PRKCA: variants seen among roughly 807,000 people sequenced by gnomAD.
The protein encoded by PRKCA is protein kinase C alpha type.
A neutral mutation model predicts 87.0 loss-of-function variants in PRKCA; 27 were observed. That is an observed-to-expected ratio of 0.31 (90% CI 0.23 to 0.43). PRKCA has a LOEUF of 0.43. PRKCA is among the 20% of genes least tolerant of loss of function. The pLI, the probability that PRKCA is intolerant of heterozygous loss-of-function variation, is 1.00. For synonymous variants in PRKCA, 329 were observed against 311.1 expected, an observed-to-expected ratio of 1.06 and a Z score of -0.61; for missense variants, 518 against 852.3, an observed-to-expected ratio of 0.61 and a Z score of 4.88.
intron 2 of PRKCA, among the ~76,000 whole-genome samples, chr17:66,399,838 A>C (rs1910915782): frequency 6.6e-6 from 1 of 152,170 alleles, no homozygotes; most frequent in Non-Finnish European, 1.5e-5. Context: ...GGATATGTAC[A>C]TTGAATATCC....
At chr17:66,517,268 G>C (rs1374195075) in intron 3 of PRKCA, among the ~76,000 whole-genome samples, 1 of 152,176 alleles carries the variant, frequency 6.6e-6, no homozygotes. Flanking sequence ...TGGCGACAGA[G>C]TGAGAGTCCA....
At chr17:66,463,623 C>T (rs1292650194) in intron 2 of PRKCA, among the ~76,000 whole-genome samples, 2 of 152,152 alleles carry the variant, frequency 1.3e-5, no homozygotes, top group African/African-American at 4.8e-5. Flanking sequence ...TCTCGATCTC[C>T]TGACCTCATG....
intron 5 of PRKCA, among the ~76,000 whole-genome samples, chr17:66,667,527 G>C (rs1972073234): frequency 6.6e-6 from 1 of 152,120 alleles, no homozygotes; most frequent in Admixed American, 6.5e-5. Context: ...CACAAGAACA[G>C]CATGGAGGTA....
chr17:66,706,637 CA>C (rs200189418), intron 8 of PRKCA, among the ~76,000 whole-genome samples: 422 of 104,174 alleles, frequency 4.1e-3, no homozygotes, highest in Non-Finnish European at 6.3e-3. Flanking sequence ...GGCTCTGTCT[CA>C]AAAAAAAAAA....
At chr17:66,373,794 C>T (rs992433616) in intron 2 of PRKCA, among the ~76,000 whole-genome samples, 11 of 152,150 alleles carry the variant, frequency 7.2e-5, no homozygotes, top group African/African-American at 1.9e-4. Flanking sequence ...ATCCTAAAAT[C>T]GGGTAGATTA....
intron 2 of PRKCA, among the ~76,000 whole-genome samples, chr17:66,463,378 CTG>C (rs1914940459): frequency 7.0e-6 from 1 of 143,860 alleles, no homozygotes; most frequent in African/African-American, 2.7e-5. Context: ...AGCCTTGATT[CTG>C]TGTTTTTTTT....
At chr17:66,516,788 G>A (rs1966983508) in intron 3 of PRKCA, among the ~76,000 whole-genome samples, 3 of 152,170 alleles carry the variant, frequency 2.0e-5, no homozygotes, top group Admixed American at 6.5e-5. Flanking sequence ...AACCTCCAGT[G>A]AGTAGATGTT....
At chr17:66,603,452 C>T (rs1363355951) in intron 3 of PRKCA, among the ~76,000 whole-genome samples, 2 of 152,074 alleles carry the variant, frequency 1.3e-5, no homozygotes, top group African/African-American at 2.4e-5. Context: ...TATATACAAA[C>T]GTTTGTCTAA....
rs138756077 is a variant in PRKCA, at chr17:66,722,589, T to A, written c.919-10099T>A. Among the ~76,000 whole-genome samples, 15 of 152,368 alleles carry A rather than the reference T, an allele frequency of 9.8e-5. No individual in the cohort carries two copies. In the East Asian group the frequency reaches 2.9e-3, roughly 29 times the overall value. On this transcript the variant is annotated intron_variant, in intron 8 of 16. Transcript: ENST00000413366. ...CTCTTTGAATTGTTAATAGCTTCAG[T>A]GATTGCAAACTATTGTGACTTTTCA...
intron 2 of PRKCA, among the ~76,000 whole-genome samples, chr17:66,388,984 G>A (rs8080178): frequency 0.15 from 22,211 of 152,214 alleles, 1,798 homozygotes; most frequent in East Asian, 0.28. Context: ...AGAAAAAGCT[G>A]TGGGAAATCG....
At chr17:66,667,680 C>T (rs1972076788) in intron 5 of PRKCA, among the ~76,000 whole-genome samples, 1 of 152,172 alleles carries the variant, frequency 6.6e-6, no homozygotes, top group South Asian at 2.1e-4. Context: ...CACACAGGGA[C>T]AAGTTAACAA....
At chr17:66,765,454 A>ATATC (rs1218360664) in intron 13 of PRKCA, among the ~76,000 whole-genome samples, 36 of 130,070 alleles carry the variant, frequency 2.8e-4, no homozygotes, top group East Asian at 6.7e-4. Flanking sequence ...ATATATATAT[A>ATATC]TCCATATATA....
At chr17:66,304,799 G>A (rs1297710663) in intron 1 of PRKCA, among the ~76,000 whole-genome samples, 1 of 152,210 alleles carries the variant, frequency 6.6e-6, no homozygotes, top group African/African-American at 2.4e-5. Context: ...GTGCTCAAAG[G>A]AGTAGGTAGT....
chr17:66,479,304 A>G (rs1188484801), intron 2 of PRKCA, among the ~76,000 whole-genome samples: 1 of 152,166 alleles, frequency 6.6e-6, no homozygotes, highest in African/African-American at 2.4e-5. Flanking sequence ...ATCAAACAAA[A>G]TACCATCTCA....
chr17:66,437,807 G>A (rs1298705601), intron 2 of PRKCA, among the ~76,000 whole-genome samples: 2 of 148,232 alleles, frequency 1.3e-5, no homozygotes, highest in African/African-American at 5.0e-5. Flanking sequence ...TCCTTAGACA[G>A]TTCAAACCCT....
At position 66,675,620 on chromosome 17, in the gene PRKCA, G is replaced by A. The variant is rs573015568; in HGVS notation, c.530-11491G>A. Among the ~76,000 whole-genome samples the A allele has an allele frequency of 3.9e-5, 6 of 152,312 alleles. No individual in the cohort carries two copies. In the South Asian group the frequency reaches 1.2e-3, roughly 32 times the overall value. ...AACTGCAGTGTTGTATTAAAGGGGT[G>A]CATGGCTTAGAGAGAATGGAGAATG... On this transcript the variant is annotated intron_variant, in intron 5 of 16. Transcript: ENST00000413366.
At position 66,805,206 on chromosome 17, in the gene PRKCA, C is replaced by A; in HGVS notation, c.*1169C>A. ...CCTGGAGCTGTAGAATCAGGAAACC[C>A]GGATGCCTAACAGCTCAAAGATGTT... On this transcript the variant is annotated 3_prime_UTR_variant, in exon 17 of 17. Coordinates refer to ENST00000413366, the MANE Select transcript of PRKCA (RefSeq NM_002737.3). 1 of 899,140 alleles carries A rather than the reference C, an allele frequency of 1.1e-6. No homozygotes were observed. Among genetic ancestry groups the A allele is most frequent in the Non-Finnish European group, 1.3e-6 (1 of 751,508 alleles). 55.7% of individuals were successfully genotyped at this position (899,140 alleles called of 1,614,324 possible).
intron 16 of PRKCA, chr17:66,797,044 C>T: frequency 5.4e-6 from 5 of 929,854 alleles, no homozygotes; most frequent in Non-Finnish European, 5.1e-6. Context: ...CCATAATTCC[C>T]ATAGCTGAGA....
intron 13 of PRKCA, among the ~76,000 whole-genome samples, chr17:66,765,418 C>CTCTATA (rs1555646685): frequency 1.0e-4 from 5 of 49,310 alleles, no homozygotes; most frequent in African/African-American, 1.5e-4. Flanking sequence ...AAGACTTTGT[C>CTCTATA]TATATATATA....
Sources: gnomAD v4.1 joint callset for allele counts (sites outside exome capture counted in the v4.1 genomes callset) on GRCh38, gnomAD v4.1.1 for gene constraint, MANE v1.5 for transcripts, NCBI Gene and HGNC (gene_info 2026-07-23, HGNC 2026-07-21) for gene names.